Variants in DHX38 observed in about 807,000 individuals in gnomAD.
The protein encoded by DHX38 is pre-mRNA-splicing factor ATP-dependent RNA helicase PRP16.
In DHX38, 100 loss-of-function variants were observed where a neutral mutation model predicts 153.1. The observed-to-expected ratio is 0.65, with a 90% CI of 0.56 to 0.77. DHX38 has a LOEUF of 0.77. Ranked by LOEUF, DHX38 falls within the 30% of genes least tolerant of loss-of-function variation. The probability of loss-of-function intolerance (pLI) is 0.00; values close to 1 mark genes in which losing one functional copy is unlikely to be tolerated. For synonymous variants in DHX38, 650 were observed against 631.7 expected, an observed-to-expected ratio of 1.03 and a Z score of -0.43; for missense variants, 1,440 against 1,654.0, an observed-to-expected ratio of 0.87 and a Z score of 2.24.
In DHX38 at chr16:72,107,684, C is replaced by T. The variant is rs759763279; in HGVS notation, c.2849C>T (p.Pro950Leu). 1.9e-6 allele frequency: 3 copies of T among 1,614,110 alleles called. No homozygotes were observed. Among genetic ancestry groups the T allele is most frequent in the Non-Finnish European group, 2.5e-6 (3 of 1,180,026 alleles). ...ACCGGGCGGCTGATGGTGGAGTTCC[C>T]GCTGGACCCTGCCCTGTCCAAGATG... ...TSTGRLMVEFPLDPALSKMLI... is the reference protein window; with the variant it reads ...TSTGRLMVEFLLDPALSKMLI... Residue 950 changes from proline (P) to leucine (L), a missense_variant, in exon 21 of 27, where the codon CCG becomes CTG. Around this residue, in one of 6 missense-constraint regions of DHX38, gnomAD observed 543 missense variants for 717.9 expected, o/e 0.76. Coordinates refer to ENST00000268482, the MANE Select transcript of DHX38 (RefSeq NM_014003.4). This position sits in a 1 kb window ranked among gnomAD's most constrained non-coding sequence, Gnocchi z 5.3.
chr16:72,110,963 GT>G lies in DHX38; in HGVS notation c.3486del (p.Arg1163ValfsTer54), dbSNP rs1176651676. Reference protein sequence around the residue: ...KQAGKSRQENRRRAKEEASAM... With the variant: ...KQAGKSRQENXRRAKEEASAM... Reference sequence around the variant, plus strand: ...TCTGTCCCTCTTCAATAGGAGAACCGTCGTCGGGCCAAAGAGGAAGCCTCTG... The same window carrying G: ...TCTGTCCCTCTTCAATAGGAGAACCGCGTCGGGCCAAAGAGGAAGCCTCTG... On this transcript the variant is annotated frameshift_variant, in exon 26 of 27. Coordinates refer to ENST00000268482, the MANE Select transcript of DHX38 (RefSeq NM_014003.4). LOFTEE classifies it high-confidence loss of function. 4 of 1,587,690 alleles carry G rather than the reference GT, an allele frequency of 2.5e-6. No individual in the cohort carries two copies. Among genetic ancestry groups the G allele is most frequent in the Non-Finnish European group, 3.4e-6 (4 of 1,166,740 alleles).
At position 72,108,598 on chromosome 16, in the gene DHX38, C is replaced by G. The variant is rs749912225; in HGVS notation, c.3246C>G (p.Ala1082=). The G allele has an allele frequency of 5.0e-6, 8 of 1,613,856 alleles. No individual in the cohort carries two copies. The highest frequency in any genetic ancestry group is 6.8e-6 in the Non-Finnish European group (8 of 1,179,878). The change falls in exon 23 of 27, where the codon GCC becomes GCG. Residue 1082 remains alanine, a synonymous_variant. Coordinates refer to ENST00000268482, the MANE Select transcript of DHX38 (RefSeq NM_014003.4). Reference sequence around the variant, plus strand: ...GTGCTGCCTATTTCCACCAAGCAGCCAAGCTCAAGGTGAACCCAGGAGCCC... The same window carrying G: ...GTGCTGCCTATTTCCACCAAGCAGCGAAGCTCAAGGTGAACCCAGGAGCCC... ...CICAAYFHQA[A]KLKGIGEYVN...
In DHX38 at chr16:72,105,291, T is replaced by A. The variant is rs1010588315; in HGVS notation, c.2322T>A (p.Ala774=). ...LEELENAPAL[A]VLPIYSQLPS... is the part of the protein sequence containing the mutation. ...AACTGGAGAACGCGCCTGCCCTGGCTGTGCTGCCCATCTACTCTCAGCTGC... is the reference window on the plus strand; with the variant it reads ...AACTGGAGAACGCGCCTGCCCTGGCAGTGCTGCCCATCTACTCTCAGCTGC... The change falls in exon 17 of 27, where the codon GCT becomes GCA. Residue 774 remains alanine, a synonymous_variant. Coordinates refer to ENST00000268482, the MANE Select transcript of DHX38 (RefSeq NM_014003.4). The A allele has an allele frequency of 6.2e-7, 1 of 1,614,162 alleles. No individual in the cohort carries two copies. The highest frequency in any genetic ancestry group is 1.7e-5 in the Admixed American group (1 of 60,022).
At chr16:72,102,978 T>C in intron 11 of DHX38, 96 bp from the exon 12 acceptor site, 1 of 1,512,658 alleles carries the variant, frequency 6.6e-7, no homozygotes, top group South Asian at 1.3e-5. Context: ...CTTGCCGAAG[T>C]CCTCATTCCT....
At chr16:72,098,021 A>ATAG (rs1165253540) in intron 4 of DHX38, among the ~76,000 whole-genome samples, 1 of 152,234 alleles carries the variant, frequency 6.6e-6, no homozygotes, top group East Asian at 1.9e-4. Flanking sequence ...GTAGGAAAGA[A>ATAG]TAGGGAGCTG....
In DHX38 at chr16:72,109,555, G is replaced by T. The variant is rs746163087; in HGVS notation, c.3477+45G>T. On this transcript the variant is annotated intron_variant, in intron 25 of 26. Coordinates refer to ENST00000268482, the MANE Select transcript of DHX38 (RefSeq NM_014003.4). ...CGCAGGGGTGCTGTTTGCCTGTGGG[G>T]TCGGTGTTCCCTCCGCTTGGTATTG... 3 of 1,571,288 alleles carry T rather than the reference G, an allele frequency of 1.9e-6. No individual in the cohort carries two copies. In the Admixed American group the frequency reaches 5.6e-5, roughly 29 times the overall value.
At chr16:72,095,839 G>C (rs1341480133) in intron 1 of DHX38, among the ~76,000 whole-genome samples, 1 of 152,084 alleles carries the variant, frequency 6.6e-6, no homozygotes, top group African/African-American at 2.4e-5. Flanking sequence ...GTGTCCCTTA[G>C]TGAGACTTTT....
Position 72,104,465 on chromosome 16 carries a change from C to T in DHX38, c.2011-21C>T. On this transcript the variant is annotated intron_variant, in intron 14 of 26. Transcript: ENST00000268482. The surrounding 1 kb of genome is among the most constrained non-coding windows in gnomAD (Gnocchi z 4.5). ...CCAAGGGTCCCCACCATGGGGGCCTCCGAGCCGCCTCTTCTCTCAGGTAGT... is the reference window on the plus strand; with the variant it reads ...CCAAGGGTCCCCACCATGGGGGCCTTCGAGCCGCCTCTTCTCTCAGGTAGT... 7 of 1,612,234 alleles carry T rather than the reference C, an allele frequency of 4.3e-6. No individual in the cohort carries two copies. Among genetic ancestry groups the T allele is most frequent in the Non-Finnish European group, 5.9e-6 (7 of 1,179,842 alleles).
chr16:72,098,759 G>A lies in DHX38; in HGVS notation c.731G>A (p.Arg244Gln), dbSNP rs1405608952. The change falls in exon 5 of 27, where the codon CGG becomes CAG. Residue 244 changes from arginine (R) to glutamine (Q), a missense_variant. Physicochemically the swap from Arg to Gln is conservative, Grantham distance 43. Coordinates refer to ENST00000268482, the MANE Select transcript of DHX38 (RefSeq NM_014003.4). ...SPTPSYRDSE[R>Q]SHRLSTRDRD... ...ACGCCTTCCTATCGGGATTCTGAGC[G>A]GAGCCATCGGCTGTCCACTCGAGAT... The A allele has an allele frequency of 4.3e-6, 7 of 1,614,060 alleles. No homozygotes were observed. The highest frequency in any genetic ancestry group is 2.7e-5 in the African/African-American group (2 of 74,936).
chr16:72,101,289 G>C, intron 10 of DHX38, 96 bp downstream of exon 10: 2 of 1,388,474 alleles, frequency 1.4e-6, no homozygotes, highest in Non-Finnish European at 2.0e-6. Flanking sequence ...TAGAAGTTAG[G>C]AGTCCCCTCT....
At chr16:72,103,004 G>GAAGTCCTT in intron 11 of DHX38, 70 bp from the exon 12 acceptor site, 2 of 1,581,912 alleles carry the variant, frequency 1.3e-6, no homozygotes, top group Non-Finnish European at 1.7e-6. Context: ...TAGGAAGGAG[G>GAAGTCCTT]GCAGCAACCC....
chr16:72,097,685 G>A lies in DHX38; in HGVS notation c.520G>A (p.Asp174Asn), dbSNP rs751531063. The A allele has an allele frequency of 6.2e-7, 1 of 1,613,986 alleles. No individual in the cohort carries two copies. The highest frequency in any genetic ancestry group is 8.5e-7 in the Non-Finnish European group (1 of 1,179,922). Residue 174 changes from aspartate (D) to asparagine (N), a missense_variant, in exon 4 of 27, where the codon GAT (aspartate) becomes AAT (asparagine). By Grantham distance (23) the Asp-to-Asn change is conservative. Around this residue, in one of 6 missense-constraint regions of DHX38, gnomAD observed 483 missense variants for 465.1 expected, o/e 1.04. Transcript: ENST00000268482. The stretch of plus-strand genomic sequence containing the variant: ...CGTGTGACTCTTCATAGATGAGCGG[G>A]ATAGAAGTAGGCACAGCAGCAGATC... ...YDRKRDRDER[D>N]RSRHSSRSER...
chr16:72,107,279 A>G lies in DHX38; in HGVS notation c.2601-61A>G. 6.6e-7 allele frequency: 1 copy of G among 1,515,324 alleles called. No individual in the cohort carries two copies. The highest frequency in any genetic ancestry group is 8.9e-7 in the Non-Finnish European group (1 of 1,127,208). The allele number at this position is 1,515,324 out of a possible 1,614,324, so 93.9% of individuals were successfully genotyped here. On this transcript the variant is annotated intron_variant, in intron 19 of 26. Transcript: ENST00000268482. This position sits in a 1 kb window ranked among gnomAD's most constrained non-coding sequence, Gnocchi z 5.3. ...ATTTCCTCCCTCCCTGTGGGATTTC[A>G]TCTGTACTGGCTGCTGTGGGGTTTC...
chr16:72,100,749 AG>A (rs2042088615), intron 9 of DHX38, 152 bp downstream of exon 9: 3 of 1,191,688 alleles, frequency 2.5e-6, no homozygotes, highest in Non-Finnish European at 3.5e-6. Flanking sequence ...TGGGCAATAT[AG>A]TGAAACCCTG....
rs377243883 is a variant in DHX38, at chr16:72,099,006, A to G, written c.844A>G (p.Arg282Gly). 1.9e-6 allele frequency: 3 copies of G among 1,613,300 alleles called. No homozygotes were observed. Among genetic ancestry groups the G allele is most frequent in the Non-Finnish European group, 2.5e-6 (3 of 1,180,044 alleles). The change falls in exon 6 of 27, where the codon AGA becomes GGA. Residue 282 changes from arginine (R) to glycine (G), a missense_variant. By Grantham distance (125) the Arg-to-Gly change is moderately radical. This residue lies in a region of DHX38 where 483 missense variants were observed against 465.1 expected (regional missense o/e 1.04). Transcript: ENST00000268482. The part of the protein sequence containing the change: ...YKYNEWADDR[R>G]HLGSTPRLSR... ...ATATAACGAGTGGGCCGATGACAGA[A>G]GACACTTGGGGTCCACCCCGCGTCT...
rs553951253 is a variant in DHX38 at position 72,099,802 on chromosome 16, C to T, written c.1031C>T (p.Ser344Phe). The T allele has an allele frequency of 1.9e-6, 3 of 1,614,182 alleles. No homozygotes were observed. Among genetic ancestry groups the T allele is most frequent in the Admixed American group, 1.7e-5 (1 of 60,010 alleles). ...TTCCACAACCCGCTGGCCTACTCCTCCGAGGACTACGTGAGGAGGCGGGAG... is the reference window on the plus strand; with the variant it reads ...TTCCACAACCCGCTGGCCTACTCCTTCGAGGACTACGTGAGGAGGCGGGAG... Reference protein sequence around the residue: ...DEFHNPLAYSSEDYVRRREQH... With the variant: ...DEFHNPLAYSFEDYVRRREQH... Residue 344 changes from serine (S) to phenylalanine (F), a missense_variant, in exon 8 of 27, where the codon TCC becomes TTC. Coordinates refer to ENST00000268482, the MANE Select transcript of DHX38 (RefSeq NM_014003.4).
Position 72,096,024 on chromosome 16 carries a change from G to T in DHX38, c.-19-115G>T, listed in dbSNP as rs965519167. The T allele has an allele frequency of 3.7e-6, 4 of 1,091,910 alleles. No individual in the cohort carries two copies. In the African/African-American group the frequency reaches 4.8e-5, roughly 13 times the overall value. 67.6% of individuals were successfully genotyped at this position (1,091,910 alleles called of 1,614,324 possible). A position where few individuals can be genotyped will look rare whatever the true frequency, so the allele number is the denominator to read the frequency against. On this transcript the variant is annotated intron_variant, in intron 1 of 26. Transcript: ENST00000268482. ...GAGAGAGGGAGCAAAAGTAGTCCTG[G>T]TCTTAAGGGGAGATGGGGAAGGTTA...
chr16:72,111,353 T>C (rs2042253588), intron 26 of DHX38, among the ~76,000 whole-genome samples: 1 of 152,184 alleles, frequency 6.6e-6, no homozygotes, highest in Non-Finnish European at 1.5e-5. Context: ...GCGAGGGGGT[T>C]GGAAACCCCA....
rs1431683118 is a variant in DHX38, at chr16:72,101,586, G to A, written c.1473G>A (p.Val491=). ...VKKEEEPDKA[V]TEDGKVDYRT... The stretch of plus-strand genomic sequence containing the variant: ...AGGAGGAAGAGCCAGATAAAGCTGT[G>A]ACGGAGGATGGGAAGGTGGACTACA... Residue 491 remains valine, a synonymous_variant, in exon 11 of 27, where the codon GTG becomes GTA. Coordinates refer to ENST00000268482, the MANE Select transcript of DHX38 (RefSeq NM_014003.4). 6.4e-7 allele frequency: 1 copy of A among 1,551,922 alleles called. No individual in the cohort carries two copies.
Sources: allele counts gnomAD v4.1 joint callset (sites outside exome capture counted in the v4.1 genomes callset), GRCh38; gene constraint gnomAD v4.1.1; regional missense constraint gnomAD v4.1.1; non-coding constraint Gnocchi (gnomAD v3.1); transcripts MANE v1.5; gene names NCBI Gene and HGNC (gene_info 2026-07-23, HGNC 2026-07-21).